GSN: variants seen among roughly 807,000 people sequenced by gnomAD.
GSN encodes gelsolin, also known as actin-depolymerizing factor.
GSN carries 56 observed loss-of-function variants against 85.7 expected under a neutral mutation model. The observed-to-expected ratio is 0.65, with a 90% CI of 0.53 to 0.82. The LOEUF (loss-of-function observed/expected upper bound fraction) is 0.82, where lower values mean the gene tolerates loss of function less well. Among genes scored for constraint, GSN ranks in the 40% least tolerant of loss-of-function variants. GSN has a pLI of 0.00. For synonymous variants in GSN, 373 were observed against 399.1 expected (o/e 0.93, Z 0.78); for missense variants, 857 against 979.8 (o/e 0.87, Z 1.67).
intron 5 of GSN, chr9:121,311,740 A>G (rs2061173961): frequency 6.6e-6 from 1 of 152,432 alleles, no homozygotes; most frequent in Non-Finnish European, 1.5e-5. Flanking sequence ...GCTCAACATT[A>G]CATTTCTGAG....
intron 2 of GSN, chr9:121,282,563 T>A: frequency 8.2e-7 from 1 of 1,222,724 alleles, no homozygotes; most frequent in Non-Finnish European, 1.0e-6. Context: ...GAAAGGGCTT[T>A]TTGGTGGTCC....
At chr9:121,218,012 T>G (rs964064546) in intron 4 of GSN, among the ~76,000 whole-genome samples, 4 of 152,076 alleles carry the variant, frequency 2.6e-5, no homozygotes, top group African/African-American at 7.2e-5. Context: ...TTGTTTTGCA[T>G]ATCCTGATCT....
At chr9:121,300,298 A>AT (rs966800167) in intron 2 of GSN, among the ~76,000 whole-genome samples, 6 of 150,350 alleles carry the variant, frequency 4.0e-5, no homozygotes, top group African/African-American at 1.2e-4. Flanking sequence ...TCCTTCTCTG[A>AT]TTTTTTCTCC....
At chr9:121,247,081 G>C (rs1386561927) in intron 5 of GSN, among the ~76,000 whole-genome samples, 3 of 152,200 alleles carry the variant, frequency 2.0e-5, no homozygotes, top group South Asian at 2.1e-4. Context: ...AAAAATTGCT[G>C]AGAATGATGC....
At chr9:121,238,683 A>G (rs1023939967) in intron 5 of GSN, 8 of 362,886 alleles carry the variant, frequency 2.2e-5, no homozygotes, top group African/African-American at 1.7e-4. Context: ...GCTCTTCAGC[A>G]TATCTTTGGG....
At chr9:121,295,414 C>T (rs1235589071) in intron 2 of GSN, among the ~76,000 whole-genome samples, 2 of 152,120 alleles carry the variant, frequency 1.3e-5, no homozygotes, top group Non-Finnish European at 2.9e-5. Context: ...CAGCAGTGAG[C>T]CAAAAAGTAA....
intron 7 of GSN, among the ~76,000 whole-genome samples, chr9:121,316,076 G>C (rs986427505): frequency 6.6e-6 from 1 of 152,190 alleles, no homozygotes; most frequent in Non-Finnish European, 1.5e-5. Flanking sequence ...CTGTACTCTG[G>C]AACAGCTCCC....
In GSN at chr9:121,310,854, T is replaced by C. The variant is rs1277970753; in HGVS notation, c.513+9T>C. ...TCCTGGACCTGGGCAACGTGAGTCC[T>C]GCTTTCCTCTTTCCCAGGAGCCACT... is the stretch of plus-strand genomic sequence containing the variant. On this transcript the variant is annotated intron_variant, in intron 5 of 17. Transcript: ENST00000432226. 1 of 1,613,546 alleles carries C rather than the reference T, an allele frequency of 6.2e-7. No homozygotes were observed. The highest frequency in any genetic ancestry group is 8.5e-7 in the Non-Finnish European group (1 of 1,179,874).
intron 14 of GSN, among the ~76,000 whole-genome samples, chr9:121,328,073 G>A (rs907968346): frequency 2.6e-5 from 4 of 152,218 alleles, no homozygotes; most frequent in Non-Finnish European, 5.9e-5. Flanking sequence ...TTGAAAGGTG[G>A]TAGGCAGGGC....
chr9:121,286,044 C>A (rs1564424037), intron 2 of GSN: 6 of 1,413,026 alleles, frequency 4.2e-6, no homozygotes, highest in Admixed American at 2.0e-5. Flanking sequence ...GTTGGCTTGG[C>A]ACAGCTATTT....
At chr9:121,202,186 T>C in the GSN span, among the ~76,000 whole-genome samples, 3 of 152,236 alleles carry the variant, frequency 2.0e-5, no homozygotes, top group African/African-American at 7.2e-5. Context: ...CTTGGAGAAC[T>C]AGGGTTGTCG....
intron 10 of GSN, among the ~76,000 whole-genome samples, chr9:121,320,546 G>A (rs1383094849): frequency 6.6e-6 from 1 of 151,932 alleles, no homozygotes; most frequent in African/African-American, 2.4e-5. Flanking sequence ...TCGGGAGGCT[G>A]AGACAGAAAA....
intron 6 of GSN, among the ~76,000 whole-genome samples, chr9:121,256,031 G>C (rs868142490): frequency 6.6e-6 from 1 of 152,132 alleles, no homozygotes; most frequent in Non-Finnish European, 1.5e-5. Context: ...ATACCTATGA[G>C]AGAGATGGTG....
chr9:121,209,018 C>T (rs1268580678), intron 1 of GSN, among the ~76,000 whole-genome samples: 2 of 152,214 alleles, frequency 1.3e-5, no homozygotes, highest in East Asian at 1.9e-4. Context: ...TCCTTTGCCT[C>T]GTCTGACTTC....
At chr9:121,328,849 G>C in intron 14 of GSN, 42 bp from the exon 15 acceptor site, 1 of 1,604,424 alleles carries the variant, frequency 6.2e-7, no homozygotes, top group Non-Finnish European at 8.5e-7. Flanking sequence ...GGAGAGAGGG[G>C]TGATGGCGTC....
chr9:121,275,367 C>A (rs1327682084), intron 1 of GSN, among the ~76,000 whole-genome samples: 1 of 152,184 alleles, frequency 6.6e-6, no homozygotes, highest in Non-Finnish European at 1.5e-5. Flanking sequence ...GTACCTAACA[C>A]AATGCTTGGC....
chr9:121,286,616 T>C, intron 2 of GSN: 1 of 1,518,612 alleles, frequency 6.6e-7, no homozygotes, highest in Non-Finnish European at 8.8e-7. Context: ...CACAACTGCT[T>C]GAATGACTAT....
intron 2 of GSN, among the ~76,000 whole-genome samples, chr9:121,293,924 A>T (rs1445787428): frequency 6.6e-6 from 1 of 151,918 alleles, no homozygotes; most frequent in Non-Finnish European, 1.5e-5. Context: ...CCCGTTTTAT[A>T]GATGAGGAAA....
rs753446615 is a variant in GSN at position 121,324,577 on chromosome 9, A to G, written c.1349A>G (p.Asp450Gly). Residue 450 changes from aspartate (D) to glycine (G), a missense_variant, in exon 12 of 18, where the codon GAT (aspartate) becomes GGT (glycine). Transcript: ENST00000432226. ...AGGCAGGGTGCCCAGTCTACCCAGG[A>G]TGAGGTCGCTGCATCTGCCATCCTG... ...YNWQGAQSTQ[D>G]EVAASAILTA... 1.3e-6 allele frequency: 2 copies of G among 1,543,914 alleles called. No individual in the cohort carries two copies. Among genetic ancestry groups the G allele is most frequent in the Non-Finnish European group, 1.8e-6 (2 of 1,141,510 alleles).
Sources: gnomAD v4.1 joint callset for allele counts (sites outside exome capture counted in the v4.1 genomes callset) on GRCh38, gnomAD v4.1.1 for gene constraint, MANE v1.5 for transcripts, NCBI Gene and HGNC (gene_info 2026-07-23, HGNC 2026-07-21) for gene names.